The following SVIL variants were observed in gnomAD, a reference collection of about 807,000 sequenced individuals.
SVIL encodes the protein supervillin, also known as archvillin.
Under a neutral mutation model 240.4 loss-of-function variants are expected in SVIL, and 101 were observed. That is an observed-to-expected ratio of 0.42 (90% CI 0.36 to 0.50). SVIL has a LOEUF of 0.50. SVIL is among the 20% of genes least tolerant of loss of function. The pLI is 0.01. For synonymous variants in SVIL, 999 were observed against 1,100.0 expected, an observed-to-expected ratio of 0.91 and a Z score of 1.82; for missense variants, 2,512 against 2,818.7, an observed-to-expected ratio of 0.89 and a Z score of 2.46.
rs74766249 is a variant in SVIL at position 29,591,313 on chromosome 10, C to T, written c.-200-22001G>A. ...TCCCAGGCAGGTCCAGAACTTTCTA[C>T]CCCATGCCCTCAAGAAGAACCTGTT... is the stretch of plus-strand genomic sequence containing the variant. On this transcript the variant is annotated intron_variant, in intron 1 of 37. Coordinates refer to ENST00000355867, the MANE Select transcript of SVIL (RefSeq NM_021738.3). Among the ~76,000 whole-genome samples, 209 of 152,316 alleles carry T rather than the reference C, an allele frequency of 1.4e-3. 1 individual carries two copies. Among genetic ancestry groups the T allele is most frequent in the African/African-American group, 4.8e-3 (199 of 41,576 alleles).
chr10:29,720,066 G>A (rs1398265025), intron 1 of SVIL, among the ~76,000 whole-genome samples: 1 of 152,166 alleles, frequency 6.6e-6, no homozygotes, highest in Non-Finnish European at 1.5e-5. Flanking sequence ...AAAGCAGCTG[G>A]GCGTGGTGGC....
At chr10:29,624,785 G>A (rs904642344) in intron 1 of SVIL, among the ~76,000 whole-genome samples, 11 of 152,082 alleles carry the variant, frequency 7.2e-5, no homozygotes, top group Middle Eastern at 6.8e-3. Context: ...AAAATACCAC[G>A]GTAATTTGTT....
At chr10:29,482,365 G>A (rs749975992) in intron 27 of SVIL, among the ~76,000 whole-genome samples, 8 of 152,190 alleles carry the variant, frequency 5.3e-5, no homozygotes, top group East Asian at 3.9e-4. Context: ...GGGGTGGCAC[G>A]CTGGGTGGGG....
intron 13 of SVIL, 25 bp from the exon 14 acceptor site, chr10:29,524,740 C>T (rs1282680104): frequency 1.2e-6 from 2 of 1,607,788 alleles, no homozygotes; most frequent in Admixed American, 3.4e-5. Flanking sequence ...ATGTCAGCAA[C>T]ACATATACCA....
At chr10:29,733,886 A>G (rs892356504) in intron 1 of SVIL, among the ~76,000 whole-genome samples, 1 of 152,276 alleles carries the variant, frequency 6.6e-6, no homozygotes, top group Non-Finnish European at 1.5e-5. Context: ...CAAATGTTGT[A>G]TAAAAGTTGT....
chr10:29,624,968 C>T (rs977860549), intron 1 of SVIL, among the ~76,000 whole-genome samples: 4 of 151,834 alleles, frequency 2.6e-5, no homozygotes, highest in South Asian at 2.1e-4. Flanking sequence ...CAAAATTAAA[C>T]GTAAAAATAG....
chr10:29,552,562 CAAAAAAA>C (rs3031442), intron 5 of SVIL, among the ~76,000 whole-genome samples: 3 of 82,424 alleles, frequency 3.6e-5, no homozygotes, highest in African/African-American at 1.2e-4. Flanking sequence ...GACTCTGTCT[CAAAAAAA>C]AAAAAAAAAA....
rs372243953 is a variant in SVIL, at chr10:29,491,006, C to T, written c.4033G>A (p.Val1345Met). Reference protein sequence around the residue: ...DPYAPKLTSSVAEHKRAVRPK... With the variant: ...DPYAPKLTSSMAEHKRAVRPK... ...CTAACTGCCCGCTTGTGCTCGGCCA[C>T]GGAAGACGTCAATCTGCGGATGGAA... The change falls in exon 22 of 38, where the codon GTG becomes ATG. Residue 1345 changes from valine (V) to methionine (M), a missense_variant. Physicochemically the swap from Val to Met is conservative, Grantham distance 21. Around this residue, in one of 3 missense-constraint regions of SVIL, gnomAD observed 272 missense variants for 406.8 expected, o/e 0.67. Coordinates refer to ENST00000355867, the MANE Select transcript of SVIL (RefSeq NM_021738.3). 1.7e-5 allele frequency: 28 copies of T among 1,613,614 alleles called. No homozygotes were observed. Among genetic ancestry groups the T allele is most frequent in the African/African-American group, 6.7e-5 (5 of 74,910 alleles).
intron 2 of SVIL, among the ~76,000 whole-genome samples, chr10:29,677,682 A>G (rs2132576734): frequency 6.6e-6 from 1 of 152,224 alleles, no homozygotes; most frequent in Non-Finnish European, 1.5e-5. Context: ...CAGCCTCCCA[A>G]AGTGCTAGGA....
chr10:29,494,748 A>G, intron 20 of SVIL, among the ~76,000 whole-genome samples, 166 bp downstream of exon 20: 1 of 152,186 alleles, frequency 6.6e-6, no homozygotes, highest in East Asian at 1.9e-4. Context: ...TCAAGAAAAA[A>G]ATGTATTATT....
chr10:29,539,912 C>T (rs1344185668), intron 6 of SVIL, among the ~76,000 whole-genome samples: 3 of 152,104 alleles, frequency 2.0e-5, no homozygotes, highest in Admixed American at 1.3e-4. Flanking sequence ...CTTTTTACTC[C>T]TCTGTTTCTT....
intron 1 of SVIL, among the ~76,000 whole-genome samples, chr10:29,590,739 A>T (rs1381334416): frequency 1.2e-4 from 19 of 152,126 alleles, no homozygotes; most frequent in Admixed American, 1.2e-3. Context: ...ATACCTTTAA[A>T]CCTCATCCTG....
intron 2 of SVIL, among the ~76,000 whole-genome samples, chr10:29,674,564 T>C (rs1960054053): frequency 6.6e-6 from 1 of 152,206 alleles, no homozygotes; most frequent in South Asian, 2.1e-4. Flanking sequence ...CATTATATTA[T>C]ATTCCACAAA....
Position 29,508,507 on chromosome 10 carries a change from C to A in SVIL, c.3516+4228G>T, listed in dbSNP as rs1171640779. The A allele has an allele frequency of 8.0e-6, 6 of 745,582 alleles. No individual in the cohort carries two copies. In the Admixed American group the frequency reaches 1.2e-4, roughly 15 times the overall value. 46.2% of individuals were successfully genotyped at this position (745,582 alleles called of 1,614,324 possible). On this transcript the variant is annotated intron_variant, in intron 17 of 37. Transcript: ENST00000355867. The stretch of plus-strand genomic sequence containing the variant: ...GGGTTCAAACAGCAGCATGCACGTG[C>A]TCACACAATAGGGTGATGTGAACCT...
intron 16 of SVIL, among the ~76,000 whole-genome samples, chr10:29,519,465 A>G (rs1950428627): frequency 6.6e-6 from 1 of 152,242 alleles, no homozygotes; most frequent in Non-Finnish European, 1.5e-5. Flanking sequence ...AAGGAAAAGT[A>G]AAGCCCAAAT....
chr10:29,627,849 A>T (rs17768419), intron 1 of SVIL, among the ~76,000 whole-genome samples: 38 of 152,292 alleles, frequency 2.5e-4, no homozygotes, highest in Admixed American at 2.3e-3. Flanking sequence ...AGCACTTCCA[A>T]TAAAAAATGT....
intron 1 of SVIL, among the ~76,000 whole-genome samples, chr10:29,613,495 G>A (rs1564701909): frequency 1.3e-5 from 2 of 151,922 alleles, no homozygotes; most frequent in Non-Finnish European, 2.9e-5. Context: ...ACCATGCCCA[G>A]CCACTTAAAA....
At chr10:29,685,860 T>C (rs1474753804) in intron 2 of SVIL, among the ~76,000 whole-genome samples, 3 of 152,148 alleles carry the variant, frequency 2.0e-5, no homozygotes, top group Non-Finnish European at 4.4e-5. Flanking sequence ...GAGAGGATGT[T>C]CCATTCAGTC....
rs201938627 is a variant in SVIL at position 29,555,052 on chromosome 10, T to G, written c.7A>C (p.Arg3=). 22 of 1,613,062 alleles carry G rather than the reference T, an allele frequency of 1.4e-5. No individual in the cohort carries two copies. In the African/African-American group the frequency reaches 2.9e-4, roughly 22 times the overall value. The change falls in exon 4 of 38, where the codon AGA becomes CGA. Residue 3 remains arginine (R), a splice_region_variant and synonymous_variant. Coordinates refer to ENST00000355867, the MANE Select transcript of SVIL (RefSeq NM_021738.3). MK[R]KERIARRLEG... ...TAACTCCCACTATAAAGATCTTACCTTTTCATTTCTAAGAATTCTTTCTTC... is the reference window on the plus strand; with the variant it reads ...TAACTCCCACTATAAAGATCTTACCGTTTCATTTCTAAGAATTCTTTCTTC...
Sources: allele counts gnomAD v4.1 joint callset (sites outside exome capture counted in the v4.1 genomes callset), GRCh38; gene constraint gnomAD v4.1.1; regional missense constraint gnomAD v4.1.1; transcripts MANE v1.5; gene names NCBI Gene and HGNC (gene_info 2026-07-23, HGNC 2026-07-21).